The following ZDHHC11 variants were observed in gnomAD, a reference collection of about 807,000 sequenced individuals.
The protein encoded by ZDHHC11 is palmitoyltransferase ZDHHC11.
Under a neutral mutation model 51.3 loss-of-function variants are expected in ZDHHC11, and 44 were observed. The ratio of observed to expected loss-of-function variants is 0.86; its 90% CI spans 0.67 to 1.10. The LOEUF (loss-of-function observed/expected upper bound fraction) is 1.10. ZDHHC11 is among the 50% of genes least tolerant of loss of function. The pLI is 0.00. For synonymous variants in ZDHHC11, 163 were observed against 222.0 expected (o/e 0.73, Z 2.36); for missense variants, 400 against 537.7 (o/e 0.74, Z 2.53).
intron 9 of ZDHHC11, 142 bp from the exon 10 acceptor site, chr5:819,754 G>C: frequency 1.3e-6 from 1 of 783,898 alleles, no homozygotes; most frequent in African/African-American, 1.6e-5. Flanking sequence ...CAGCTCCCGG[G>C]AGGTTGTGTG....
At chr5:818,174 C>T (rs1400915774) in intron 10 of ZDHHC11, among the ~76,000 whole-genome samples, 4 of 151,194 alleles carry the variant, frequency 2.6e-5, no homozygotes, top group East Asian at 1.9e-4. Context: ...TCATCTACAC[C>T]GAGATGCTGC....
intron 1 of ZDHHC11, among the ~76,000 whole-genome samples, chr5:858,352 C>A (rs10066554): frequency 0.079 from 9,194 of 116,566 alleles, 343 homozygotes; most frequent in Admixed American, 0.15. Flanking sequence ...TCCTGGTCCC[C>A]ATCCTGTCTT....
intron 10 of ZDHHC11, among the ~76,000 whole-genome samples, chr5:817,810 A>G (rs146487924): frequency 5.9e-3 from 876 of 147,398 alleles, no homozygotes; most frequent in African/African-American, 0.022. Flanking sequence ...CACCAGAAAT[A>G]TAAAGAAGGG....
chr5:810,641 A>G (rs1176163244), intron 11 of ZDHHC11, among the ~76,000 whole-genome samples: 1 of 151,418 alleles, frequency 6.6e-6, no homozygotes, highest in African/African-American at 2.4e-5. Context: ...GCTGTGAGTG[A>G]GTCTATAAGG....
At chr5:820,391 G>C (rs967413087) in intron 9 of ZDHHC11, among the ~76,000 whole-genome samples, 1 of 151,590 alleles carries the variant, frequency 6.6e-6, no homozygotes, top group African/African-American at 2.4e-5. Flanking sequence ...GCAAAAGTCT[G>C]CATGAATTCT....
intron 10 of ZDHHC11, 86 bp from the exon 11 acceptor site, chr5:814,881 T>C: frequency 7.5e-7 from 1 of 1,324,714 alleles, no homozygotes; most frequent in East Asian, 2.5e-5. Flanking sequence ...AGTTCATTAC[T>C]AGTCAGTTCT....
intron 11 of ZDHHC11, among the ~76,000 whole-genome samples, chr5:808,323 G>GA (rs1247203071): frequency 6.6e-6 from 1 of 152,058 alleles, no homozygotes; most frequent in African/African-American, 2.4e-5. Flanking sequence ...TCAGTGCAGA[G>GA]AGACAGCCCT....
At chr5:816,804 C>A in intron 10 of ZDHHC11, 1 of 478,076 alleles carries the variant, frequency 2.1e-6, no homozygotes. Flanking sequence ...AGCTGCCCTC[C>A]AGTCTTAAAA....
At chr5:803,535 TTA>T (rs1738791488) in intron 11 of ZDHHC11, among the ~76,000 whole-genome samples, 1 of 151,312 alleles carries the variant, frequency 6.6e-6, no homozygotes, top group South Asian at 2.1e-4. Flanking sequence ...CACTTGATTT[TTA>T]GAGTTACCAT....
Position 818,500 on chromosome 5 carries a change from C to T in ZDHHC11, c.1146+1025G>A, listed in dbSNP as rs1340568815. The stretch of plus-strand genomic sequence containing the variant: ...GAAGTGTGGTGAGGCGGCCCTGCCC[C>T]AACAGGGAAGGAGAAGACACCTGTA... On this transcript the variant is annotated intron_variant, in intron 10 of 12. Coordinates refer to ENST00000283441, the MANE Select transcript of ZDHHC11 (RefSeq NM_024786.3). 1.3e-4 allele frequency among the ~76,000 whole-genome samples: 20 copies of T among 151,614 alleles called. 2 individuals are homozygous for T. The highest frequency in any genetic ancestry group is 1.3e-3 in the Admixed American group (20 of 15,220).
chr5:837,953 C>A (rs374530420), intron 5 of ZDHHC11, among the ~76,000 whole-genome samples: 2 of 151,994 alleles, frequency 1.3e-5, no homozygotes, highest in East Asian at 1.9e-4. Context: ...GTGGGGCGCA[C>A]CTTGGGGGAT....
chr5:816,373 G>A (rs528500513), intron 10 of ZDHHC11: 1 of 390,928 alleles, frequency 2.6e-6, no homozygotes, highest in South Asian at 2.0e-5. Flanking sequence ...ACGGGCGGGA[G>A]GGGGGCGGTA....
chr5:843,239 G>T (rs1289786314), intron 4 of ZDHHC11: 580 of 417,104 alleles, frequency 1.4e-3, no homozygotes, highest in African/African-American at 0.011. Flanking sequence ...CCTGCAGGAT[G>T]GGCACCCCCA....
chr5:835,097 C>T (rs1194692978), intron 6 of ZDHHC11, among the ~76,000 whole-genome samples: 4 of 151,598 alleles, frequency 2.6e-5, no homozygotes, highest in African/African-American at 4.8e-5. Context: ...CTTTGTCTCA[C>T]TAAAGATCAC....
chr5:801,034 A>G (rs569039715), intron 12 of ZDHHC11, 66 bp downstream of exon 12: 2 of 1,582,968 alleles, frequency 1.3e-6, no homozygotes, highest in East Asian at 2.2e-5. Context: ...TAAAGAAGAT[A>G]TTTCACTCTC....
At chr5:826,117 GGA>G (rs1359356055) in intron 7 of ZDHHC11, among the ~76,000 whole-genome samples, 2 of 83,508 alleles carry the variant, frequency 2.4e-5, no homozygotes, top group African/African-American at 7.8e-5. Flanking sequence ...CCTGCTGGGT[GGA>G]GAGACCCAGA....
upstream of ZDHHC11, among the ~76,000 whole-genome samples, chr5:855,059 G>GT: frequency 6.8e-6 from 1 of 146,116 alleles, no homozygotes; most frequent in East Asian, 2.1e-4. Flanking sequence ...CAAGCCAGGG[G>GT]GACAGACCCC....
At chr5:813,649 G>C (rs1266925251) in intron 11 of ZDHHC11, among the ~76,000 whole-genome samples, 1 of 150,216 alleles carries the variant, frequency 6.7e-6, no homozygotes, top group Non-Finnish European at 1.5e-5. Flanking sequence ...TGACCTACTG[G>C]AATGGTGGCA....
upstream of ZDHHC11, among the ~76,000 whole-genome samples, chr5:860,504 C>A (rs991274354): frequency 6.6e-6 from 1 of 152,210 alleles, no homozygotes; most frequent in South Asian, 2.1e-4. The surrounding 1 kb of genome is among the most constrained non-coding windows in gnomAD (Gnocchi z 4.2). Flanking sequence ...ACCACCTGCA[C>A]ACCCAGTCTC....
Sources: allele counts gnomAD v4.1 joint callset (sites outside exome capture counted in the v4.1 genomes callset), GRCh38; gene constraint gnomAD v4.1.1; non-coding constraint Gnocchi (gnomAD v3.1); transcripts MANE v1.5; gene names NCBI Gene and HGNC (gene_info 2026-07-23, HGNC 2026-07-21).